The following ATP13A5 variants were observed in gnomAD, a reference collection of about 807,000 sequenced individuals.
ATP13A5 encodes the protein ATPase 13A5.
Under a neutral mutation model 150.2 loss-of-function variants are expected in ATP13A5, and 149 were observed. The observed-to-expected ratio is 0.99, with a 90% CI of 0.87 to 1.14. The LOEUF (loss-of-function observed/expected upper bound fraction) is 1.14, where lower values mean the gene tolerates loss of function less well. ATP13A5 is among the 50% of genes most tolerant of loss of function. The probability of loss-of-function intolerance (pLI) is 0.00; values close to 1 mark genes in which losing one functional copy is unlikely to be tolerated. For synonymous variants in ATP13A5, 497 were observed against 522.2 expected (o/e 0.95, Z 0.66); for missense variants, 1,383 against 1,449.3 (o/e 0.95, Z 0.74).
At position 193,302,053 on chromosome 3, in the gene ATP13A5, G is replaced by A. The variant is rs80352383; in HGVS notation, c.2679-746C>T. Reference sequence around the variant, plus strand: ...AATGTGAGGTAGCAGCATGTGATGCGAGAGTGGGACCTCAGCAAACCAGCT... The same window carrying A: ...AATGTGAGGTAGCAGCATGTGATGCAAGAGTGGGACCTCAGCAAACCAGCT... On this transcript the variant is annotated intron_variant, in intron 23 of 29. Coordinates refer to ENST00000342358, the MANE Select transcript of ATP13A5 (RefSeq NM_198505.4). Among the ~76,000 whole-genome samples the A allele has an allele frequency of 2.8e-3, 421 of 152,258 alleles. 1 individual carries two copies. Among genetic ancestry groups the A allele is most frequent in the African/African-American group, 9.7e-3 (403 of 41,530 alleles).
chr3:193,350,110 A>G (rs4687407), intron 7 of ATP13A5, among the ~76,000 whole-genome samples: 59,823 of 151,900 alleles, frequency 0.39, 12,288 homozygotes, highest in East Asian at 0.56. Flanking sequence ...GTGAATTGCC[A>G]TTATATATAA....
At position 193,321,635 on chromosome 3, in the gene ATP13A5, A is replaced by T. The variant is rs772042793; in HGVS notation, c.1915+46T>A. ...GACAGAGCAAGATTCTGTCTCAAAG[A>T]AAAAACAAAAGTATTTTACTTCTTG... is the stretch of plus-strand genomic sequence containing the variant. On this transcript the variant is annotated intron_variant, in intron 16 of 29. Coordinates refer to ENST00000342358, the MANE Select transcript of ATP13A5 (RefSeq NM_198505.4). 7.5e-6 allele frequency: 12 copies of T among 1,600,370 alleles called. No homozygotes were observed. The South Asian group carries it at 1.3e-4, about 18-fold the overall frequency.
chr3:193,340,249 A>T (rs1712065172), intron 9 of ATP13A5, among the ~76,000 whole-genome samples: 1 of 152,208 alleles, frequency 6.6e-6, no homozygotes, highest in Non-Finnish European at 1.5e-5. Context: ...CTTTTAATTT[A>T]TAGTTCTAGA....
At chr3:193,314,637 CAG>C (rs1718979386) in intron 18 of ATP13A5, among the ~76,000 whole-genome samples, 1 of 152,120 alleles carries the variant, frequency 6.6e-6, no homozygotes, top group Admixed American at 6.6e-5. Context: ...GACCATCAAC[CAG>C]AGACTCAATC....
Position 193,285,061 on chromosome 3 carries a change from T to G in ATP13A5, c.3079A>C (p.Asn1027His). The change falls in exon 27 of 30, where the codon AAC (asparagine) becomes CAC (histidine). Residue 1027 changes from asparagine to histidine, a missense_variant. By Grantham distance (68) the Asn-to-His change is moderately conservative. Coordinates refer to ENST00000342358, the MANE Select transcript of ATP13A5 (RefSeq NM_198505.4). ...NFSTNVSLER[N>H]WTGNATLIPG... Reference sequence around the variant, plus strand: ...ATCAGAGTTGCATTTCCAGTCCAGTTTCTTTCCAAACTCACATTTGTTGAA... The same window carrying G: ...ATCAGAGTTGCATTTCCAGTCCAGTGTCTTTCCAAACTCACATTTGTTGAA... 6.2e-7 allele frequency: 1 copy of G among 1,614,062 alleles called. No individual in the cohort carries two copies. Among genetic ancestry groups the G allele is most frequent in the Non-Finnish European group, 8.5e-7 (1 of 1,179,960 alleles).
rs77815685 is a variant in ATP13A5 at position 193,303,234 on chromosome 3, G to A, written c.2679-1927C>T. On this transcript the variant is annotated intron_variant, in intron 23 of 29. Transcript: ENST00000342358. ...AACACTGTGTCTAAACATGGCTGCC[G>A]CATTTTCCCCACCTGGAATTCCTTC... 5.3e-3 allele frequency among the ~76,000 whole-genome samples: 800 copies of A among 152,182 alleles called. 3 individuals carry two copies. Among genetic ancestry groups the A allele is most frequent in the African/African-American group, 0.018 (758 of 41,514 alleles).
chr3:193,317,384 G>A (rs1305160042), intron 17 of ATP13A5, among the ~76,000 whole-genome samples: 3 of 152,108 alleles, frequency 2.0e-5, no homozygotes, highest in Non-Finnish European at 4.4e-5. Context: ...CCCCAACTAG[G>A]ATATATTCAT....
chr3:193,343,570 C>G (rs990604695), intron 9 of ATP13A5, among the ~76,000 whole-genome samples: 7 of 152,112 alleles, frequency 4.6e-5, no homozygotes, highest in Non-Finnish European at 1.0e-4. Flanking sequence ...GGTTGCATCT[C>G]TTTTGTACAT....
rs762242545 is a variant in ATP13A5, at chr3:193,311,889, C to T, written c.2372G>A (p.Ser791Asn). The T allele has an allele frequency of 3.7e-6, 6 of 1,613,820 alleles. No individual in the cohort carries two copies. Among genetic ancestry groups the T allele is most frequent in the Admixed American group, 3.3e-5 (2 of 59,984 alleles). ...CCCACTCATTGCAAAATGGTAACAGCTTCCTCCTTCCCCACGAGGGGTTGA... is the reference window on the plus strand; with the variant it reads ...CCCACTCATTGCAAAATGGTAACAGTTTCCTCCTTCCCCACGAGGGGTTGA... ...NSSTPRGEGG[S>N]CYHFAMSGKS... The change falls in exon 20 of 30, where the codon AGC (serine) becomes AAC (asparagine). Residue 791 changes from serine to asparagine, a missense_variant. Ser to Asn is a conservative substitution (Grantham distance 46). Coordinates refer to ENST00000342358, the MANE Select transcript of ATP13A5 (RefSeq NM_198505.4).
At chr3:193,285,391 G>C (rs1717678981) in intron 26 of ATP13A5, among the ~76,000 whole-genome samples, 1 of 152,138 alleles carries the variant, frequency 6.6e-6, no homozygotes, top group South Asian at 2.1e-4. Flanking sequence ...AATTCAAAGA[G>C]TAAATAGACC....
chr3:193,321,698 A>T lies in ATP13A5; in HGVS notation c.1898T>A (p.Phe633Tyr). The T allele has an allele frequency of 2.5e-6, 4 of 1,614,176 alleles. No homozygotes were observed. The highest frequency in any genetic ancestry group is 3.4e-6 in the Non-Finnish European group (4 of 1,180,002). The change falls in exon 16 of 30, where the codon TTC (phenylalanine) becomes TAC (tyrosine). Residue 633 changes from phenylalanine to tyrosine, a missense_variant. Phe to Tyr is a conservative substitution (Grantham distance 22). Transcript: ENST00000342358. ...GTTAGTACCTGTTTCAGATCTGCAGAACCTGGCCACCATTTCTGGGGCACC... is the reference window on the plus strand; with the variant it reads ...GTTAGTACCTGTTTCAGATCTGCAGTACCTGGCCACCATTTCTGGGGCACC... The part of the protein sequence containing the change: ...MKGAPEMVAR[F>Y]CRSETVPKNF...
chr3:193,294,020 C>A (rs1003839579), intron 25 of ATP13A5, among the ~76,000 whole-genome samples: 12 of 151,896 alleles, frequency 7.9e-5, no homozygotes, highest in Non-Finnish European at 1.8e-4. Context: ...CACGTCAGGT[C>A]GATAAATTTT....
chr3:193,363,597 C>T (rs1713125129), intron 2 of ATP13A5, among the ~76,000 whole-genome samples: 1 of 152,144 alleles, frequency 6.6e-6, no homozygotes, highest in Non-Finnish European at 1.5e-5. Context: ...AATGAGCCCT[C>T]CAGATGATTC....
chr3:193,312,782 G>C (rs1028506651), intron 19 of ATP13A5: 6 of 152,262 alleles, frequency 3.9e-5, no homozygotes, highest in Middle Eastern at 3.4e-3. Context: ...AAAAATTGCT[G>C]TGCTGAATTG....
chr3:193,276,699 G>A, intron 29 of ATP13A5, 51 bp downstream of exon 29: 1 of 1,329,806 alleles, frequency 7.5e-7, no homozygotes, highest in Non-Finnish European at 1.1e-6. Context: ...TGCTGAAAAT[G>A]AGATCCTTAA....
At position 193,311,926 on chromosome 3, in the gene ATP13A5, T is replaced by G. The variant is rs145000399; in HGVS notation, c.2335A>C (p.Thr779Pro). Residue 779 changes from threonine (T) to proline (P), a missense_variant, in exon 20 of 30, where the codon ACT becomes CCT. Physicochemically the swap from Thr to Pro is conservative, Grantham distance 38 (BLOSUM62 -1). Around this residue, in one of 3 missense-constraint regions of ATP13A5, gnomAD observed 568 missense variants for 621.5 expected, o/e 0.91. Transcript: ENST00000342358. ...CCACGAGGGGTTGAACTGTTTCCAG[T>G]ATGCATGTAGATTTCCTAAAATCAA... ...GPGKKEIYMH[T>P]GNSSTPRGEG... The G allele has an allele frequency of 6.2e-6, 10 of 1,613,706 alleles. No homozygotes were observed. The South Asian group carries it at 8.8e-5, about 14-fold the overall frequency.
chr3:193,368,002 G>A (rs1011709190), intron 1 of ATP13A5, among the ~76,000 whole-genome samples: 1 of 150,644 alleles, frequency 6.6e-6, no homozygotes, highest in Non-Finnish European at 1.5e-5. Context: ...GAAGGGGAGG[G>A]GAGGGGAGGG....
intron 17 of ATP13A5, among the ~76,000 whole-genome samples, chr3:193,318,062 G>T (rs1209318608): frequency 6.6e-6 from 1 of 152,200 alleles, no homozygotes; most frequent in African/African-American, 2.4e-5. Flanking sequence ...TAAGCTTTGT[G>T]ATCCTGTTTC....
intron 11 of ATP13A5, among the ~76,000 whole-genome samples, chr3:193,331,783 C>A (rs1711637395): frequency 6.6e-6 from 1 of 152,168 alleles, no homozygotes; most frequent in South Asian, 2.1e-4. Context: ...GGAGCAGGAA[C>A]TGTATTAGGC....
Sources: allele counts gnomAD v4.1 joint callset (sites outside exome capture counted in the v4.1 genomes callset), GRCh38; gene constraint gnomAD v4.1.1; regional missense constraint gnomAD v4.1.1; transcripts MANE v1.5; gene names NCBI Gene and HGNC (gene_info 2026-07-23, HGNC 2026-07-21).